NRG1: variants seen among roughly 807,000 people sequenced by gnomAD.
NRG1 encodes the protein neuregulin 1.
A neutral mutation model predicts 63.8 loss-of-function variants in NRG1; 18 were observed. That is an observed-to-expected ratio of 0.28 (90% confidence interval 0.19 to 0.42). The LOEUF (loss-of-function observed/expected upper bound fraction) is 0.42, where lower values mean the gene tolerates loss of function less well. Ranked by LOEUF, NRG1 falls within the 10% of genes least tolerant of loss-of-function variation. The pLI, the probability that NRG1 is intolerant of heterozygous loss-of-function variation, is 1.00. For missense variants in NRG1, 762 were observed against 814.7 expected (o/e 0.94, Z 0.79); for synonymous variants, 302 against 301.3 (o/e 1.00, Z -0.02).
intron 1 of NRG1, among the ~76,000 whole-genome samples, chr8:32,116,046 A>C (rs1361987265): frequency 6.6e-6 from 1 of 152,124 alleles, no homozygotes; most frequent in Admixed American, 6.6e-5. Flanking sequence ...TTAGAGCTTT[A>C]GTGTTGAGAA....
At chr8:32,324,972 C>T (rs538385792) in intron 1 of NRG1, among the ~76,000 whole-genome samples, 58 of 152,088 alleles carry the variant, frequency 3.8e-4, no homozygotes, top group Middle Eastern at 3.4e-3. Flanking sequence ...TAAGGTTGTC[C>T]GAATGTTTAA....
At chr8:32,461,117 A>G (rs1250324181) in intron 1 of NRG1, among the ~76,000 whole-genome samples, 1 of 152,120 alleles carries the variant, frequency 6.6e-6, no homozygotes, top group Non-Finnish European at 1.5e-5. Flanking sequence ...TTTCTCAACA[A>G]TTCTGGCTCC....
intron 7 of NRG1, among the ~76,000 whole-genome samples, chr8:32,751,756 C>T (rs1655020923): frequency 6.6e-6 from 1 of 152,170 alleles, no homozygotes; most frequent in African/African-American, 2.4e-5. Context: ...TCTTTATTTC[C>T]ATGAAATGAT....
intron 5 of NRG1, among the ~76,000 whole-genome samples, chr8:32,630,721 G>T (rs1850121685): frequency 6.8e-6 from 1 of 146,712 alleles, no homozygotes; most frequent in Non-Finnish European, 1.5e-5. Flanking sequence ...TATTTTGTCA[G>T]ATTTTAGGTT....
In NRG1 at chr8:32,038,726, T is replaced by G. The variant is rs371786071; in HGVS notation, c.37+399295T>G. Reference sequence around the variant, plus strand: ...ATTTGGGAGCACGTATTGCTGTTACTAAGACTGGGGGCTGTGAGAGGGCTT... The same window carrying G: ...ATTTGGGAGCACGTATTGCTGTTACGAAGACTGGGGGCTGTGAGAGGGCTT... On this transcript the variant is annotated intron_variant, in intron 1 of 10. Transcript: ENST00000519301. 1.1e-4 allele frequency among the ~76,000 whole-genome samples: 17 copies of G among 152,268 alleles called. 1 individual carries two copies. Among genetic ancestry groups the G allele is most frequent in the African/African-American group, 3.9e-4 (16 of 41,544 alleles).
At chr8:32,655,995 T>C (rs1166264098) in intron 5 of NRG1, among the ~76,000 whole-genome samples, 2 of 152,118 alleles carry the variant, frequency 1.3e-5, no homozygotes, top group African/African-American at 2.4e-5. Context: ...GATTTCCTGA[T>C]CTCAAAAGAT....
chr8:32,511,400 A>ATATATATATATATAT (rs1554567530), intron 1 of NRG1, among the ~76,000 whole-genome samples: 3 of 108,564 alleles, frequency 2.8e-5, no homozygotes, highest in African/African-American at 9.7e-5. Flanking sequence ...TATATATATA[A>ATATATATATATATAT]ATAAAATAAA....
At chr8:31,882,144 G>A (rs2129612832) in intron 1 of NRG1, among the ~76,000 whole-genome samples, 1 of 152,072 alleles carries the variant, frequency 6.6e-6, no homozygotes, top group African/African-American at 2.4e-5. Flanking sequence ...TGCAGCAGGT[G>A]ACCTTAAGTC....
chr8:32,181,300 C>A (rs537282428), intron 1 of NRG1, among the ~76,000 whole-genome samples: 1 of 152,266 alleles, frequency 6.6e-6, no homozygotes, highest in South Asian at 2.1e-4. Context: ...TTTCTAAATT[C>A]ACTAGACTCA....
At chr8:32,621,358 GAGA>G (rs1563786328) in intron 5 of NRG1, among the ~76,000 whole-genome samples, 1 of 152,112 alleles carries the variant, frequency 6.6e-6, no homozygotes, top group Non-Finnish European at 1.5e-5. Flanking sequence ...CAAGTTTTAG[GAGA>G]AGAACTTGAA....
chr8:32,505,204 G>T (rs1828377590), intron 1 of NRG1, among the ~76,000 whole-genome samples: 1 of 152,124 alleles, frequency 6.6e-6, no homozygotes, highest in South Asian at 2.1e-4. Flanking sequence ...TAAAAGTGGG[G>T]TTGGGGGGAT....
At chr8:32,065,815 G>A (rs1337988501) in intron 1 of NRG1, among the ~76,000 whole-genome samples, 4 of 152,292 alleles carry the variant, frequency 2.6e-5, no homozygotes, top group African/African-American at 9.6e-5. Flanking sequence ...GTGCAAAAGT[G>A]TTCCTATTTC....
chr8:31,858,356 G>A (rs183253183), intron 1 of NRG1, among the ~76,000 whole-genome samples: 93 of 151,632 alleles, frequency 6.1e-4, no homozygotes, highest in African/African-American at 2.0e-3. Context: ...TTCTATGATC[G>A]TTCGACATTT....
At chr8:32,416,647 G>A (rs894842489) in intron 1 of NRG1, among the ~76,000 whole-genome samples, 1 of 151,868 alleles carries the variant, frequency 6.6e-6, no homozygotes, top group African/African-American at 2.4e-5. Context: ...CCTTGTTTTT[G>A]TTTGTTTGTT....
At chr8:32,584,330 C>A (rs75918844) in intron 1 of NRG1, among the ~76,000 whole-genome samples, 3 of 152,162 alleles carry the variant, frequency 2.0e-5, no homozygotes, top group Admixed American at 6.5e-5. Flanking sequence ...CTTCCCTGAT[C>A]TTCCTGTGGG....
chr8:32,366,677 G>GTATGTATA (rs1554519435), intron 1 of NRG1, among the ~76,000 whole-genome samples: 1 of 87,522 alleles, frequency 1.1e-5, no homozygotes, highest in South Asian at 3.8e-4. Context: ...GTGTGTGTGT[G>GTATGTATA]TATATATATA....
Position 31,797,322 on chromosome 8 carries a change from A to AT in NRG1, c.37+157898dup, listed in dbSNP as rs1257246857. ...ACCAAATTTGGAGTTATTCCTGTGG[A>AT]TTTTTTTCTCTTGTTCCTTAAGGCA... On this transcript the variant is annotated intron_variant, in intron 1 of 10. Coordinates refer to the NRG1 transcript ENST00000519301. 5.9e-5 allele frequency among the ~76,000 whole-genome samples: 9 copies of AT among 152,150 alleles called. No homozygotes were observed. In the East Asian group the frequency reaches 1.7e-3, roughly 29 times the overall value.
At chr8:31,755,770 AGAGAG>A (rs1219590821) in intron 1 of NRG1, among the ~76,000 whole-genome samples, 1 of 152,098 alleles carries the variant, frequency 6.6e-6, no homozygotes. Context: ...GTTATGAGAG[AGAGAG>A]AATTCCTACT....
chr8:32,069,222 C>T (rs550196238), intron 1 of NRG1, among the ~76,000 whole-genome samples: 18 of 152,158 alleles, frequency 1.2e-4, no homozygotes, highest in African/African-American at 4.3e-4. Context: ...ACAAATAATC[C>T]CCTACAGCAA....
Sources: allele counts gnomAD v4.1 joint callset (sites outside exome capture counted in the v4.1 genomes callset), GRCh38; gene constraint gnomAD v4.1.1; transcripts MANE v1.5; gene names NCBI Gene and HGNC (gene_info 2026-07-23, HGNC 2026-07-21).